MAGI1: variants seen among roughly 807,000 people sequenced by gnomAD.
The protein encoded by MAGI1 is membrane-associated guanylate kinase, WW and PDZ domain-containing protein 1.
In MAGI1, 58 loss-of-function variants were observed where a neutral mutation model predicts 139.9. The ratio of observed to expected loss-of-function variants is 0.41; its 90% CI spans 0.34 to 0.52. The LOEUF (loss-of-function observed/expected upper bound fraction) is 0.52, where lower values mean the gene tolerates loss of function less well. MAGI1 is among the 20% of genes least tolerant of loss of function. The probability of loss-of-function intolerance (pLI) is 0.12; values close to 1 mark genes in which losing one functional copy is unlikely to be tolerated. For synonymous variants in MAGI1, 812 were observed against 737.9 expected (o/e 1.10, Z -1.63); for missense variants, 1,874 against 1,901.6 (o/e 0.99, Z 0.27).
intron 1 of MAGI1, among the ~76,000 whole-genome samples, chr3:65,765,784 T>C (rs1402985799): frequency 2.0e-5 from 3 of 152,224 alleles, no homozygotes; most frequent in African/African-American, 7.2e-5. Context: ...CAATGGACAG[T>C]CTTCAACATG....
chr3:65,847,373 C>T (rs553366654), intron 1 of MAGI1, among the ~76,000 whole-genome samples: 5 of 151,976 alleles, frequency 3.3e-5, no homozygotes, highest in African/African-American at 1.2e-4. Context: ...GCCGGCACCA[C>T]CTGGTGGTTT....
intron 8 of MAGI1, among the ~76,000 whole-genome samples, chr3:65,442,309 A>G: frequency 6.6e-6 from 1 of 152,198 alleles, no homozygotes; most frequent in East Asian, 1.9e-4. Context: ...TTTCTCCTCA[A>G]TCCTGGCAAC....
chr3:65,586,436 ATAG>A (rs1224132508), intron 2 of MAGI1, among the ~76,000 whole-genome samples: 1 of 152,162 alleles, frequency 6.6e-6, no homozygotes, highest in Non-Finnish European at 1.5e-5. Context: ...TTTAGGGGTG[ATAG>A]TATTATTATT....
chr3:66,006,188 A>T (rs1038743627), intron 1 of MAGI1, among the ~76,000 whole-genome samples: 4 of 152,206 alleles, frequency 2.6e-5, no homozygotes, highest in East Asian at 3.8e-4. Context: ...TGTCCACCAG[A>T]CAGGAACCAG....
In MAGI1 at chr3:65,505,138, G is replaced by A. The variant is rs116733562; in HGVS notation, c.431-11507C>T. 6.6e-3 allele frequency among the ~76,000 whole-genome samples: 1,010 copies of A among 152,282 alleles called. 12 individuals are homozygous for A. The highest frequency in any genetic ancestry group is 0.024 in the Middle Eastern group (7 of 294). ...TGAGAAAAGGGGATGAGAGCAGATA[G>A]ACTCTCTCCATTATGGCAGGTAATA... is the stretch of plus-strand genomic sequence containing the variant. On this transcript the variant is annotated intron_variant, in intron 2 of 22. Coordinates refer to ENST00000402939, the MANE Select transcript of MAGI1 (RefSeq NM_001033057.2).
intron 1 of MAGI1, among the ~76,000 whole-genome samples, chr3:65,991,275 G>A (rs1409981498): frequency 9.3e-5 from 12 of 128,948 alleles, no homozygotes; most frequent in Admixed American, 3.5e-4. Flanking sequence ...GCGACAGAGC[G>A]AGAGACTCTG....
chr3:65,550,653 T>C (rs972282110), intron 2 of MAGI1, among the ~76,000 whole-genome samples: 1 of 152,176 alleles, frequency 6.6e-6, no homozygotes, highest in African/African-American at 2.4e-5. Flanking sequence ...CATCACTGCC[T>C]GGAATGGCAA....
intron 13 of MAGI1, among the ~76,000 whole-genome samples, chr3:65,396,765 T>G (rs1436387017): frequency 1.3e-5 from 2 of 152,160 alleles, no homozygotes; most frequent in African/African-American, 4.8e-5. Context: ...GCTGATGAGG[T>G]ATTAGGCCAA....
chr3:65,563,539 G>C (rs1177389193), intron 2 of MAGI1, among the ~76,000 whole-genome samples: 1 of 152,180 alleles, frequency 6.6e-6, no homozygotes, highest in Non-Finnish European at 1.5e-5. Context: ...GCCATGCCAT[G>C]AGATCCCTCA....
intron 14 of MAGI1, among the ~76,000 whole-genome samples, chr3:65,390,108 C>T (rs1047572040): frequency 1.3e-5 from 2 of 152,224 alleles, no homozygotes; most frequent in East Asian, 1.9e-4. Context: ...GTGTAGTGGA[C>T]GGGAGGCCAG....
chr3:65,491,692 A>C, intron 3 of MAGI1, among the ~76,000 whole-genome samples: 1 of 138,994 alleles, frequency 7.2e-6, no homozygotes, highest in South Asian at 2.5e-4. Context: ...ACCTTCCCGC[A>C]GCCCCCCTCC....
At chr3:65,597,640 A>G (rs1325219741) in intron 2 of MAGI1, 5 of 455,186 alleles carry the variant, frequency 1.1e-5, no homozygotes, top group Non-Finnish European at 2.2e-5. Flanking sequence ...CACACACGGC[A>G]TCTTCACCTC....
intron 1 of MAGI1, among the ~76,000 whole-genome samples, chr3:65,697,317 T>C (rs1439112865): frequency 2.0e-5 from 3 of 151,480 alleles, no homozygotes; most frequent in African/African-American, 4.9e-5. Context: ...TGGTACCATT[T>C]CTTCTGAAAC....
intron 9 of MAGI1, among the ~76,000 whole-genome samples, chr3:65,438,337 G>A (rs555019455): frequency 6.6e-6 from 1 of 152,222 alleles, no homozygotes; most frequent in Admixed American, 6.5e-5. Flanking sequence ...GTGTACTTAC[G>A]GACATGAAGT....
intron 13 of MAGI1, among the ~76,000 whole-genome samples, chr3:65,400,750 ATTTTTTTTTTTTTTTTTTTTT>A (rs767598706): frequency 8.3e-5 from 5 of 60,600 alleles, no homozygotes; most frequent in African/African-American, 1.3e-4. Context: ...CAAAACATTG[ATTTTTTTTTTTTTTTTTTTTT>A]TTTTTTTTTT....
intron 1 of MAGI1, among the ~76,000 whole-genome samples, chr3:66,037,256 G>A (rs2068976413): frequency 6.6e-6 from 1 of 152,160 alleles, no homozygotes; most frequent in Non-Finnish European, 1.5e-5. Flanking sequence ...TTTACACAGA[G>A]CCGGGCATGT....
In MAGI1 at chr3:65,748,657, G is replaced by C. The variant is rs141163314; in HGVS notation, c.314-126569C>G. On this transcript the variant is annotated intron_variant, in intron 1 of 22. Coordinates refer to ENST00000402939, the MANE Select transcript of MAGI1 (RefSeq NM_001033057.2). The stretch of plus-strand genomic sequence containing the variant: ...CTGATGTCAAGGAGCTGGTGACCAA[G>C]TTGTAGGAAGAGATTTAAAAAACAG... Among the ~76,000 whole-genome samples, 23 of 152,270 alleles carry C rather than the reference G, an allele frequency of 1.5e-4. 1 individual carries two copies. In the East Asian group the frequency reaches 4.4e-3, roughly 29 times the overall value.
chr3:65,549,362 C>A (rs2079700062), intron 2 of MAGI1: 1 of 923,916 alleles, frequency 1.1e-6, no homozygotes, highest in Non-Finnish European at 1.3e-6. Flanking sequence ...CCCCTCCCCT[C>A]CCCTCTTCCT....
At chr3:65,914,952 A>G (rs915883205) in intron 1 of MAGI1, among the ~76,000 whole-genome samples, 9 of 152,210 alleles carry the variant, frequency 5.9e-5, no homozygotes, top group African/African-American at 2.2e-4. Flanking sequence ...ACAGGAATAA[A>G]TTTGTAAAGC....
Sources: allele counts gnomAD v4.1 joint callset (sites outside exome capture counted in the v4.1 genomes callset), GRCh38; gene constraint gnomAD v4.1.1; transcripts MANE v1.5; gene names NCBI Gene and HGNC (gene_info 2026-07-23, HGNC 2026-07-21).